NFIB: variants seen among roughly 807,000 people sequenced by gnomAD.
NFIB encodes nuclear factor I B.
NFIB carries 11 observed loss-of-function variants against 61.5 expected under a neutral mutation model. The ratio of observed to expected loss-of-function variants is 0.18; its 90% confidence interval spans 0.11 to 0.30. The LOEUF is 0.30. Among genes scored for constraint, NFIB ranks in the 10% least tolerant of loss-of-function variants. The pLI is 1.00. For missense variants in NFIB, 471 were observed against 608.9 expected, an observed-to-expected ratio of 0.77 and a Z score of 2.38; for synonymous variants, 260 against 216.5, an observed-to-expected ratio of 1.20 and a Z score of -1.76.
At chr9:14,188,165 A>C (rs1393108399) in intron 2 of NFIB, among the ~76,000 whole-genome samples, 1 of 152,232 alleles carries the variant, frequency 6.6e-6, no homozygotes, top group African/African-American at 2.4e-5. Flanking sequence ...GTGTGTTTTC[A>C]ATTAAGTAAA....
At chr9:14,282,607 A>G (rs965493441) in intron 2 of NFIB, among the ~76,000 whole-genome samples, 1 of 152,150 alleles carries the variant, frequency 6.6e-6, no homozygotes, top group Non-Finnish European at 1.5e-5. Context: ...CTATTTGCGT[A>G]TTTCTTCAAA....
intron 1 of NFIB, among the ~76,000 whole-genome samples, chr9:14,346,302 T>G (rs1588343666): frequency 1.6e-5 from 1 of 64,438 alleles, no homozygotes; most frequent in Non-Finnish European, 4.6e-5. Context: ...CCCCCCCCCG[T>G]AACCTGAGCT....
the NFIB span, among the ~76,000 whole-genome samples, chr9:14,485,592 T>G: frequency 6.6e-6 from 1 of 152,192 alleles, no homozygotes; most frequent in African/African-American, 2.4e-5. Context: ...ACACAGTCCC[T>G]GCCTGGGCAC....
At position 14,125,686 on chromosome 9, in the gene NFIB, G is replaced by C; in HGVS notation, c.1006C>G (p.Leu336Val). The change falls in exon 7 of 11, where the codon CTG (leucine) becomes GTG (valine). Residue 336 changes from leucine to valine, a missense_variant. By Grantham distance (32) the Leu-to-Val change is conservative. This residue lies in a region of NFIB where 372 missense variants were observed against 395.6 expected (regional missense o/e 0.94). Transcript: ENST00000380953. The part of the protein sequence containing the change: ...SASPQDSSPR[L>V]STFPQHHHPG... Reference sequence around the variant, plus strand: ...TGGTGGTGCTGGGGGAAAGTGCTCAGTCTTGGGGAAGAATCCTGTGGAGAT... The same window carrying C: ...TGGTGGTGCTGGGGGAAAGTGCTCACTCTTGGGGAAGAATCCTGTGGAGAT... 3.1e-6 allele frequency: 5 copies of C among 1,614,160 alleles called. No individual in the cohort carries two copies. Among genetic ancestry groups the C allele is most frequent in the Non-Finnish European group, 4.2e-6 (5 of 1,180,014 alleles).
chr9:14,227,462 G>T (rs1413966819), intron 2 of NFIB, among the ~76,000 whole-genome samples: 1 of 152,280 alleles, frequency 6.6e-6, no homozygotes, highest in African/African-American at 2.4e-5. Context: ...CATTGTTCTT[G>T]AATATCTCTC....
rs1166401258 is a variant in NFIB at position 14,313,781 on chromosome 9, C to T, written c.-270G>A. ...GTCCGAGCGCGCTGGCCGTGCTTGCCGAGGCCGCCGCCGCCGCCGGTGTTG... is the reference window on the plus strand; with the variant it reads ...GTCCGAGCGCGCTGGCCGTGCTTGCTGAGGCCGCCGCCGCCGCCGGTGTTG... On this transcript the variant is annotated 5_prime_UTR_variant, in exon 1 of 11. Coordinates refer to ENST00000380953, the MANE Select transcript of NFIB (RefSeq NM_001190737.2). The surrounding 1 kb of genome is among the most constrained non-coding windows in gnomAD (Gnocchi z 4.5). 1.5e-6 allele frequency: 2 copies of T among 1,340,594 alleles called. No individual in the cohort carries two copies. Among genetic ancestry groups the T allele is most frequent in the Non-Finnish European group, 1.9e-6 (2 of 1,046,712 alleles). The allele number at this position is 1,340,594 out of a possible 1,614,324, so 83.0% of individuals were successfully genotyped here.
chr9:14,347,012 G>A (rs999064387), intron 1 of NFIB, among the ~76,000 whole-genome samples: 1 of 152,070 alleles, frequency 6.6e-6, no homozygotes, highest in South Asian at 2.1e-4. Context: ...GACGAAACTA[G>A]GCCAGCGAAA....
the NFIB span, among the ~76,000 whole-genome samples, chr9:14,505,413 C>T: frequency 6.6e-6 from 1 of 152,108 alleles, no homozygotes; most frequent in Non-Finnish European, 1.5e-5. Flanking sequence ...TTTAATGAAG[C>T]TTGAGCTACA....
At chr9:14,522,788 C>G in the NFIB span, among the ~76,000 whole-genome samples, 1 of 152,160 alleles carries the variant, frequency 6.6e-6, no homozygotes, top group Non-Finnish European at 1.5e-5. Context: ...GATTAGCTGT[C>G]AGCATCAGCA....
intron 1 of NFIB, among the ~76,000 whole-genome samples, chr9:14,371,002 G>A (rs1230089881): frequency 6.6e-6 from 1 of 152,190 alleles, no homozygotes; most frequent in Non-Finnish European, 1.5e-5. Context: ...GGCTGAGGCA[G>A]GAGAATCACT....
chr9:14,476,186 C>T, the NFIB span, among the ~76,000 whole-genome samples: 1 of 149,916 alleles, frequency 6.7e-6, no homozygotes, highest in Non-Finnish European at 1.5e-5. Flanking sequence ...ATTTTTTTTT[C>T]TGATTGATTT....
intron 2 of NFIB, among the ~76,000 whole-genome samples, chr9:14,258,069 C>G (rs577777120): frequency 2.6e-5 from 4 of 152,108 alleles, no homozygotes; most frequent in Non-Finnish European, 5.9e-5. Context: ...ATTGAGTGTT[C>G]TTTTATGAAC....
the NFIB span, among the ~76,000 whole-genome samples, chr9:14,442,111 G>A: frequency 6.6e-5 from 10 of 152,234 alleles, no homozygotes; most frequent in Non-Finnish European, 1.5e-4. Context: ...GATCACACAG[G>A]CAGAGCTGCC....
intron 1 of NFIB, among the ~76,000 whole-genome samples, chr9:14,376,230 A>G (rs1204477207): frequency 6.6e-6 from 1 of 152,194 alleles, no homozygotes; most frequent in Non-Finnish European, 1.5e-5. Flanking sequence ...AGTTTAAGCT[A>G]TGGAACTTTT....
intron 2 of NFIB, among the ~76,000 whole-genome samples, chr9:14,302,482 G>T (rs557526580): frequency 8.8e-4 from 134 of 152,186 alleles, no homozygotes; most frequent in African/African-American, 2.8e-3. Context: ...AATTTTAAGG[G>T]TTCAACAAGG....
chr9:14,521,235 G>A, the NFIB span, among the ~76,000 whole-genome samples: 9 of 152,148 alleles, frequency 5.9e-5, no homozygotes, highest in South Asian at 4.1e-4. Context: ...AATACCATTC[G>A]AAAATGGTAG....
chr9:14,287,296 T>G (rs967573007), intron 2 of NFIB, among the ~76,000 whole-genome samples: 56 of 151,346 alleles, frequency 3.7e-4, no homozygotes, highest in Admixed American at 2.5e-3. Flanking sequence ...CTGGGCGTGG[T>G]GGCGGGCACC....
At chr9:14,431,686 G>C in the NFIB span, among the ~76,000 whole-genome samples, 3 of 148,680 alleles carry the variant, frequency 2.0e-5, no homozygotes, top group Admixed American at 6.7e-5. Context: ...AATTCAAGTT[G>C]ATTTATTTGG....
intron 3 of NFIB, among the ~76,000 whole-genome samples, chr9:14,171,476 C>T (rs1441321910): frequency 6.6e-6 from 1 of 152,122 alleles, no homozygotes; most frequent in Non-Finnish European, 1.5e-5. Context: ...AAGGTTTTTC[C>T]TCAATTTCAG....
Sources: allele counts gnomAD v4.1 joint callset (sites outside exome capture counted in the v4.1 genomes callset), GRCh38; gene constraint gnomAD v4.1.1; regional missense constraint gnomAD v4.1.1; non-coding constraint Gnocchi (gnomAD v3.1); transcripts MANE v1.5; gene names NCBI Gene and HGNC (gene_info 2026-07-23, HGNC 2026-07-21).